The following RPH3AL variants were observed in gnomAD, a reference collection of about 807,000 sequenced individuals.
RPH3AL encodes rab effector Noc2.
RPH3AL carries 38 observed loss-of-function variants against 43.1 expected under a neutral mutation model. That is an observed-to-expected ratio of 0.88 (90% CI 0.68 to 1.15). The LOEUF is 1.15. RPH3AL is among the 50% of genes most tolerant of loss of function. RPH3AL has a pLI of 0.00. For missense variants in RPH3AL, 462 were observed against 423.2 expected (o/e 1.09, Z -0.81); for synonymous variants, 189 against 176.3 (o/e 1.07, Z -0.57).
chr17:339,557 A>C (rs1350522096), intron 1 of RPH3AL: 1 of 152,272 alleles, frequency 6.6e-6, no homozygotes, highest in African/African-American at 2.4e-5. Flanking sequence ...CACAAGCCCC[A>C]GAGGACGACG....
intron 7 of RPH3AL, among the ~76,000 whole-genome samples, chr17:233,248 C>G (rs747407313): frequency 1.3e-5 from 2 of 152,146 alleles, no homozygotes; most frequent in Non-Finnish European, 2.9e-5. Flanking sequence ...CTCTACCCCC[C>G]GCCTGAAATT....
At position 250,821 on chromosome 17, in the gene RPH3AL, G is replaced by A. The variant is rs183383750; in HGVS notation, c.439-3536C>T. Among the ~76,000 whole-genome samples the A allele has an allele frequency of 3.8e-4, 52 of 137,948 alleles. 1 individual carries two copies. The East Asian group carries it at 6.4e-3, about 17-fold the overall frequency. 90.5% of individuals were successfully genotyped at this position (137,948 alleles called of 152,430 possible). A position where few individuals can be genotyped will look rare whatever the true frequency, so the allele number is the denominator to read the frequency against. On this transcript the variant is annotated intron_variant, in intron 6 of 9. Coordinates refer to ENST00000331302, the MANE Select transcript of RPH3AL (RefSeq NM_006987.4). ...AAACTCCATCACTGCGGGACCTCTC[G>A]GAGCCTTTACCAAGCTCCATCACTG...
chr17:251,900 G>A (rs979216979), intron 6 of RPH3AL, among the ~76,000 whole-genome samples: 7 of 152,174 alleles, frequency 4.6e-5, no homozygotes, highest in African/African-American at 7.2e-5. Context: ...TGTGAACGGC[G>A]GGGCCCGTGC....
intron 5 of RPH3AL, among the ~76,000 whole-genome samples, chr17:303,332 C>A (rs946394554): frequency 6.6e-6 from 1 of 151,784 alleles, no homozygotes; most frequent in Non-Finnish European, 1.5e-5. Context: ...GTGAGGCTGC[C>A]GTGAGCTAAG....
chr17:351,705 C>T (rs1452971550), intron 1 of RPH3AL, among the ~76,000 whole-genome samples: 1 of 152,164 alleles, frequency 6.6e-6, no homozygotes, highest in African/African-American at 2.4e-5. Flanking sequence ...TTTAAATCAA[C>T]CCACTCTTTT....
chr17:327,697 T>A (rs1297047257), intron 2 of RPH3AL, 118 bp from the exon 3 acceptor site: 1 of 628,040 alleles, frequency 1.6e-6, no homozygotes, highest in Admixed American at 2.5e-5. Flanking sequence ...TCCCCACTGA[T>A]GCCTGGAATC....
chr17:288,619 C>G (rs1187885879), intron 5 of RPH3AL, among the ~76,000 whole-genome samples: 35 of 3,874 alleles, frequency 9.0e-3, no homozygotes, highest in African/African-American at 0.013. Flanking sequence ...GACCTCGCAC[C>G]CTCTCTCTCC....
intron 6 of RPH3AL, among the ~76,000 whole-genome samples, chr17:278,539 G>T (rs540395592): frequency 1.1e-3 from 170 of 151,998 alleles, no homozygotes; most frequent in African/African-American, 3.8e-3. Context: ...TACTTGGAAT[G>T]CTTTCCCTCC....
Position 319,534 on chromosome 17 carries a change from C to A in RPH3AL, c.237G>T (p.Arg79=). ...EQQRIGRLVE[R]LETMRRNVMG... ...TCACATTCCGCCTCATGGTCTCCAG[C>A]CGCTCCACCAGCCGCCTGCAGCACA... Residue 79 remains arginine, a synonymous_variant, in exon 5 of 10, where the codon CGG becomes CGT. Transcript: ENST00000331302. The A allele has an allele frequency of 6.2e-7, 1 of 1,611,534 alleles. No individual in the cohort carries two copies.
chr17:269,138 A>G (rs183148630), intron 6 of RPH3AL, among the ~76,000 whole-genome samples: 40 of 152,174 alleles, frequency 2.6e-4, no homozygotes, highest in Non-Finnish European at 4.6e-4. Context: ...TTGGCTTCCT[A>G]AAGTGCTGGG....
chr17:251,347 C>A (rs564503722), intron 6 of RPH3AL, among the ~76,000 whole-genome samples: 1 of 152,168 alleles, frequency 6.6e-6, no homozygotes, highest in Non-Finnish European at 1.5e-5. Context: ...GCAAAAGTAG[C>A]CAGTCTCCTC....
intron 9 of RPH3AL, 120 bp from the exon 10 acceptor site, chr17:214,043 G>T: frequency 1.4e-6 from 1 of 726,312 alleles, no homozygotes. Flanking sequence ...GGCTTCTGCT[G>T]ACAGCATCCG....
At chr17:339,353 G>A (rs946626050) in intron 1 of RPH3AL, among the ~76,000 whole-genome samples, 3 of 152,246 alleles carry the variant, frequency 2.0e-5, no homozygotes, top group Non-Finnish European at 2.9e-5. Context: ...GACAGGCAGG[G>A]GGAAGGGTCA....
intron 5 of RPH3AL, among the ~76,000 whole-genome samples, chr17:314,497 T>C (rs1249706652): frequency 8.3e-6 from 1 of 120,840 alleles, no homozygotes; most frequent in Non-Finnish European, 1.8e-5. Flanking sequence ...GTAGTCCCTA[T>C]ACTCCACGTC....
chr17:331,352 C>T (rs931669887), intron 2 of RPH3AL: 9 of 61,646 alleles, frequency 1.5e-4, no homozygotes, highest in Middle Eastern at 7.0e-3. Context: ...GCTGGGGCCA[C>T]GGGCAGCGCC....
chr17:282,851 G>A (rs1310219952), intron 5 of RPH3AL, among the ~76,000 whole-genome samples: 4 of 152,200 alleles, frequency 2.6e-5, no homozygotes, highest in Non-Finnish European at 5.9e-5. Context: ...AAGTATTCCT[G>A]TATCTAAATA....
At chr17:214,769 CAA>C (rs112783318) in intron 9 of RPH3AL, 51 of 129,550 alleles carry the variant, frequency 3.9e-4, no homozygotes, top group Middle Eastern at 3.9e-3. Context: ...GATCCTGTCT[CAA>C]AAAAAAAAAA....
At chr17:237,778 ACCT>A (rs897398479) in intron 7 of RPH3AL, among the ~76,000 whole-genome samples, 1 of 152,154 alleles carries the variant, frequency 6.6e-6, no homozygotes, top group Non-Finnish European at 1.5e-5. Flanking sequence ...CCTGGCCCCC[ACCT>A]GAGAGCCCTC....
chr17:245,231 G>A lies in RPH3AL; in HGVS notation c.613+1880C>T, dbSNP rs1194594918. On this transcript the variant is annotated intron_variant, in intron 7 of 9. Coordinates refer to ENST00000331302, the MANE Select transcript of RPH3AL (RefSeq NM_006987.4). This position sits in a 1 kb window ranked among gnomAD's most constrained non-coding sequence, Gnocchi z 5.9. Reference sequence around the variant, plus strand: ...CGTGTGTGTCCATGTGGATGTGTGTGTGCGTGTGGATGAGAGCATGTGTGT... The same window carrying A: ...CGTGTGTGTCCATGTGGATGTGTGTATGCGTGTGGATGAGAGCATGTGTGT... Among the ~76,000 whole-genome samples, 3 of 151,514 alleles carry A rather than the reference G, an allele frequency of 2.0e-5. No individual in the cohort carries two copies. Among genetic ancestry groups the A allele is most frequent in the Non-Finnish European group, 4.4e-5 (3 of 67,890 alleles).
Sources: allele counts gnomAD v4.1 joint callset (sites outside exome capture counted in the v4.1 genomes callset), GRCh38; gene constraint gnomAD v4.1.1; non-coding constraint Gnocchi (gnomAD v3.1); transcripts MANE v1.5; gene names NCBI Gene and HGNC (gene_info 2026-07-23, HGNC 2026-07-21).